The following UBR1 variants were observed in gnomAD, a reference collection of about 807,000 sequenced individuals.
UBR1 encodes ubiquitin protein ligase E3 component n-recognin 1.
In UBR1, 102 loss-of-function variants were observed where a neutral mutation model predicts 242.1. The ratio of observed to expected loss-of-function variants is 0.42; its 90% CI spans 0.36 to 0.50. The LOEUF is 0.50. Ranked by LOEUF, UBR1 falls within the 20% of genes least tolerant of loss-of-function variation. UBR1 has a pLI of 0.01. For missense variants in UBR1, 1,772 were observed against 2,101.8 expected, an observed-to-expected ratio of 0.84 and a Z score of 3.07; for synonymous variants, 675 against 684.8, an observed-to-expected ratio of 0.99 and a Z score of 0.22.
intron 30 of UBR1, among the ~76,000 whole-genome samples, chr15:43,006,189 G>A (rs2032827757): frequency 1.3e-5 from 2 of 151,654 alleles, no homozygotes; most frequent in African/African-American, 4.8e-5. Context: ...CCATGGGTAA[G>A]TTACTTGACC....
At chr15:42,949,561 G>C (rs942125879) in intron 46 of UBR1, among the ~76,000 whole-genome samples, 2 of 151,478 alleles carry the variant, frequency 1.3e-5, no homozygotes, top group African/African-American at 2.4e-5. Flanking sequence ...CACTTTGGGA[G>C]GCTGAGGTGG....
chr15:42,986,095 T>C (rs1207705789), intron 35 of UBR1, among the ~76,000 whole-genome samples: 2 of 152,148 alleles, frequency 1.3e-5, no homozygotes, highest in African/African-American at 4.8e-5. Context: ...AAATTACTCT[T>C]ATTTTCACTG....
chr15:43,063,917 G>T (rs1435534045), intron 6 of UBR1, among the ~76,000 whole-genome samples: 1 of 152,104 alleles, frequency 6.6e-6, no homozygotes, highest in African/African-American at 2.4e-5. Context: ...TGTATTTCTA[G>T]TAGGGACGGC....
At chr15:43,100,419 T>A (rs556154811) in intron 1 of UBR1, among the ~76,000 whole-genome samples, 6 of 152,286 alleles carry the variant, frequency 3.9e-5, no homozygotes, top group African/African-American at 1.2e-4. Context: ...TTCCCTTTTT[T>A]CTATCTACAA....
At chr15:43,079,662 G>C (rs1207595635) in intron 3 of UBR1, among the ~76,000 whole-genome samples, 1 of 152,084 alleles carries the variant, frequency 6.6e-6, no homozygotes. Context: ...GGCGCCTGTA[G>C]TCCCAGCTAC....
intron 30 of UBR1, among the ~76,000 whole-genome samples, chr15:43,005,786 AC>A (rs1463405402): frequency 2.0e-5 from 3 of 150,986 alleles, no homozygotes; most frequent in Non-Finnish European, 4.4e-5. Flanking sequence ...CTATAACCTT[AC>A]CCCCAACCCC....
chr15:43,085,920 C>CAAAA, intron 2 of UBR1, 64 bp downstream of exon 2: 9 of 1,242,634 alleles, frequency 7.2e-6, no homozygotes, highest in Admixed American at 3.1e-5. Context: ...GACTCTGTTT[C>CAAAA]AAAAAAAAAA....
intron 1 of UBR1, among the ~76,000 whole-genome samples, chr15:43,102,727 C>T (rs900752687): frequency 1.3e-5 from 2 of 152,236 alleles, no homozygotes; most frequent in South Asian, 2.1e-4. Context: ...TCACCTCCTA[C>T]GTGCTTGCCT....
chr15:43,075,385 T>C (rs1020865147), intron 3 of UBR1, among the ~76,000 whole-genome samples: 6 of 152,314 alleles, frequency 3.9e-5, no homozygotes, highest in Middle Eastern at 3.4e-3. Flanking sequence ...TTTTGACTAA[T>C]GGAGAAGAAT....
At chr15:43,033,775 G>A (rs2033289428) in intron 19 of UBR1, among the ~76,000 whole-genome samples, 1 of 151,998 alleles carries the variant, frequency 6.6e-6, no homozygotes, top group Non-Finnish European at 1.5e-5. Context: ...AATAGTTAAG[G>A]GCTACTTTAT....
At chr15:43,033,140 A>AT (rs1006921554) in intron 19 of UBR1, among the ~76,000 whole-genome samples, 6 of 152,134 alleles carry the variant, frequency 3.9e-5, no homozygotes, top group East Asian at 3.9e-4. Context: ...ATTTAAAAAC[A>AT]TTTTTTGGCC....
chr15:42,969,301 G>A (rs572888589), intron 40 of UBR1, among the ~76,000 whole-genome samples: 16 of 152,244 alleles, frequency 1.1e-4, no homozygotes, highest in East Asian at 3.9e-4. Flanking sequence ...TTTGTTGGCC[G>A]CATAAATGTC....
At chr15:43,026,508 T>C in intron 23 of UBR1, 53 bp downstream of exon 23, 2 of 1,515,592 alleles carry the variant, frequency 1.3e-6, no homozygotes, top group Non-Finnish European at 1.8e-6. Context: ...TCTGTGGAGT[T>C]AGAAAGCATA....
chr15:43,076,146 C>CG (rs1046666878), intron 3 of UBR1, among the ~76,000 whole-genome samples: 2 of 109,566 alleles, frequency 1.8e-5, no homozygotes, highest in Non-Finnish European at 4.4e-5. Flanking sequence ...GACTGGTTTT[C>CG]GTTTTTTTTT....
At chr15:43,014,714 T>A (rs560462883) in intron 29 of UBR1, among the ~76,000 whole-genome samples, 18 of 150,548 alleles carry the variant, frequency 1.2e-4, no homozygotes, top group African/African-American at 4.2e-4. Flanking sequence ...GAGGAGCCCC[T>A]CCGCCCGGCA....
intron 3 of UBR1, among the ~76,000 whole-genome samples, chr15:43,077,020 A>G (rs1195035147): frequency 2.0e-5 from 1 of 49,408 alleles, no homozygotes; most frequent in African/African-American, 7.4e-5. Context: ...CCCGTCGGGG[A>G]GGGTGGTGGG....
At chr15:43,087,690 C>T (rs1279670857) in intron 1 of UBR1, among the ~76,000 whole-genome samples, 2 of 152,036 alleles carry the variant, frequency 1.3e-5, no homozygotes, top group African/African-American at 4.8e-5. Context: ...ATATTTTGAC[C>T]CAGAAATGCC....
At chr15:43,036,366 T>A (rs950737136) in intron 18 of UBR1, 87 bp from the exon 19 acceptor site, 8 of 1,338,472 alleles carry the variant, frequency 6.0e-6, no homozygotes, top group Admixed American at 1.7e-5. Flanking sequence ...ATTAAAAAGT[T>A]TGCAGAAGAT....
Position 42,984,939 on chromosome 15 carries a change from T to G in UBR1, c.4001A>C (p.Asn1334Thr). ...TCAFTIQAIE[N>T]LLGDEGKPLF... ...AGGTTTTCCTTCATCTCCCAATAGA[T>G]TTTCTCAAAGAATAAAAAAAAATAA... Residue 1334 changes from asparagine (N) to threonine (T), a missense_variant, in exon 36 of 47, where the codon AAT (asparagine) becomes ACT (threonine). Asn to Thr is a moderately conservative substitution (Grantham distance 65, BLOSUM62 0). Coordinates refer to ENST00000290650, the MANE Select transcript of UBR1 (RefSeq NM_174916.3). 1 of 1,607,904 alleles carries G rather than the reference T, an allele frequency of 6.2e-7. No homozygotes were observed. Among genetic ancestry groups the G allele is most frequent in the Non-Finnish European group, 8.5e-7 (1 of 1,175,526 alleles).
Sources: gnomAD v4.1 joint callset for allele counts (sites outside exome capture counted in the v4.1 genomes callset) on GRCh38, gnomAD v4.1.1 for gene constraint, MANE v1.5 for transcripts, NCBI Gene and HGNC (gene_info 2026-07-23, HGNC 2026-07-21) for gene names.